The following DLEU7 variants were observed in gnomAD, a reference collection of about 807,000 sequenced individuals.
DLEU7 encodes deleted in lymphocytic leukemia 7, also known as leukemia-associated protein 7.
In DLEU7, 17 loss-of-function variants were observed where a neutral mutation model predicts 16.0. The ratio of observed to expected loss-of-function variants is 1.06; its 90% CI spans 0.73 to 1.59. The LOEUF is 1.59. DLEU7 is among the 40% of genes most tolerant of loss of function. The pLI is 0.00. For synonymous variants in DLEU7, 113 were observed against 139.8 expected (o/e 0.81, Z 1.35); for missense variants, 308 against 314.9 (o/e 0.98, Z 0.17).
chr13:50,822,199 C>A (rs1876927850), downstream of DLEU7, among the ~76,000 whole-genome samples: 1 of 152,126 alleles, frequency 6.6e-6, no homozygotes, highest in Non-Finnish European at 1.5e-5. Flanking sequence ...CTTTCATTCT[C>A]AGATTCTGGA....
intron 1 of DLEU7, among the ~76,000 whole-genome samples, chr13:50,739,007 A>ACACACACG (rs1874171165): frequency 1.2e-5 from 1 of 83,934 alleles, no homozygotes; most frequent in Admixed American, 1.2e-4. Flanking sequence ...ACACACACGC[A>ACACACACG]CACACACACA....
At chr13:50,766,201 C>G (rs1314897542) in intron 1 of DLEU7, among the ~76,000 whole-genome samples, 1 of 152,152 alleles carries the variant, frequency 6.6e-6, no homozygotes, top group Non-Finnish European at 1.5e-5. Flanking sequence ...AGCAACAGGG[C>G]TCACTGAGCA....
At chr13:50,840,250 A>G (rs1191366480) in intron 1 of DLEU7, among the ~76,000 whole-genome samples, 2 of 152,200 alleles carry the variant, frequency 1.3e-5, no homozygotes, top group Non-Finnish European at 2.9e-5. Flanking sequence ...TTAAAAATAT[A>G]CAAAACACCC....
At chr13:50,836,597 C>T (rs1335588569) in intron 1 of DLEU7, among the ~76,000 whole-genome samples, 2 of 151,826 alleles carry the variant, frequency 1.3e-5, no homozygotes, top group African/African-American at 4.8e-5. Flanking sequence ...TGGTGTGAAC[C>T]CAGGAGGCAG....
At chr13:50,743,565 TA>T (rs1874312527) in intron 1 of DLEU7, among the ~76,000 whole-genome samples, 1 of 152,118 alleles carries the variant, frequency 6.6e-6, no homozygotes, top group Non-Finnish European at 1.5e-5. Context: ...TTAAAAGGAA[TA>T]AAAAGTATGT....
chr13:50,741,275 ATCC>A (rs1230326936), intron 1 of DLEU7, among the ~76,000 whole-genome samples: 1 of 152,178 alleles, frequency 6.6e-6, no homozygotes, highest in Non-Finnish European at 1.5e-5. Context: ...TGTATGCCTA[ATCC>A]TCCTCCTCAA....
chr13:50,740,991 T>C (rs547456938), intron 1 of DLEU7, among the ~76,000 whole-genome samples: 1 of 152,254 alleles, frequency 6.6e-6, no homozygotes, highest in East Asian at 1.9e-4. Flanking sequence ...TGTGGGCAAC[T>C]GTGTCCCTAC....
At chr13:50,721,535 G>A (rs1463368986) in intron 1 of DLEU7, among the ~76,000 whole-genome samples, 1 of 151,934 alleles carries the variant, frequency 6.6e-6, no homozygotes, top group African/African-American at 2.4e-5. Flanking sequence ...CAGATTAAAT[G>A]TTTGTTATTT....
At chr13:50,840,249 T>C (rs1309945058) in intron 1 of DLEU7, among the ~76,000 whole-genome samples, 1 of 152,170 alleles carries the variant, frequency 6.6e-6, no homozygotes, top group Non-Finnish European at 1.5e-5. Flanking sequence ...TTTAAAAATA[T>C]ACAAAACACC....
At chr13:50,738,991 ACACACACACACACG>A (rs1260179732) in intron 1 of DLEU7, among the ~76,000 whole-genome samples, 4 of 104,904 alleles carry the variant, frequency 3.8e-5, no homozygotes, top group African/African-American at 1.2e-4. Context: ...ACACACACAC[ACACACACACACACG>A]CACACACACA....
intron 1 of DLEU7, among the ~76,000 whole-genome samples, chr13:50,797,601 C>T (rs977169208): frequency 1.3e-5 from 2 of 152,110 alleles, no homozygotes; most frequent in Admixed American, 1.3e-4. Flanking sequence ...AGGTCTTGAA[C>T]TCAATGGCAA....
intron 1 of DLEU7, among the ~76,000 whole-genome samples, chr13:50,807,056 A>G (rs1876412072): frequency 6.6e-6 from 1 of 151,548 alleles, no homozygotes; most frequent in Non-Finnish European, 1.5e-5. Flanking sequence ...TGCCTCCGCA[A>G]ACTTTAGTAA....
intron 1 of DLEU7, among the ~76,000 whole-genome samples, chr13:50,713,550 G>A (rs1229620213): frequency 6.6e-6 from 1 of 152,056 alleles, no homozygotes; most frequent in Admixed American, 6.5e-5. Context: ...AAATGAGAAG[G>A]GAAGGAAAAT....
At chr13:50,812,731 A>C (rs1401282621) in intron 1 of DLEU7, among the ~76,000 whole-genome samples, 1 of 151,506 alleles carries the variant, frequency 6.6e-6, no homozygotes, top group African/African-American at 2.4e-5. Context: ...TATATGTATA[A>C]ATAGTTACAT....
chr13:50,747,334 G>GTA (rs1470148083), intron 1 of DLEU7, among the ~76,000 whole-genome samples: 2 of 79,010 alleles, frequency 2.5e-5, no homozygotes, highest in Non-Finnish European at 4.4e-5. Flanking sequence ...GAAAAACTCT[G>GTA]TGTGTGTGTG....
intron 1 of DLEU7, among the ~76,000 whole-genome samples, chr13:50,743,323 G>A (rs1451436935): frequency 6.6e-6 from 1 of 152,150 alleles, no homozygotes; most frequent in Admixed American, 6.5e-5. Context: ...AGAAGAGAAG[G>A]CTAGAGTGTC....
downstream of DLEU7, among the ~76,000 whole-genome samples, chr13:50,819,588 T>A (rs1050469256): frequency 1.3e-5 from 2 of 152,098 alleles, no homozygotes; most frequent in African/African-American, 4.8e-5. Flanking sequence ...ATTTGAGACA[T>A]GTTTTGAAGG....
intron 1 of DLEU7, among the ~76,000 whole-genome samples, chr13:50,724,794 G>T (rs1873721957): frequency 6.6e-6 from 1 of 152,156 alleles, no homozygotes; most frequent in African/African-American, 2.4e-5. Flanking sequence ...AGCCCAAACT[G>T]CAGGAGCAGC....
intron 1 of DLEU7, among the ~76,000 whole-genome samples, chr13:50,810,550 T>C (rs1876536101): frequency 6.6e-6 from 1 of 152,118 alleles, no homozygotes; most frequent in South Asian, 2.1e-4. Flanking sequence ...CTATTGAAAG[T>C]TGAAGACTAT....
Sources: allele counts gnomAD v4.1 joint callset (sites outside exome capture counted in the v4.1 genomes callset), GRCh38; gene constraint gnomAD v4.1.1; transcripts MANE v1.5; gene names NCBI Gene and HGNC (gene_info 2026-07-23, HGNC 2026-07-21).